The following MAF variants were observed in gnomAD, a reference collection of about 807,000 sequenced individuals.
MAF encodes the protein MAF bZIP transcription factor, also known as transcription factor Maf.
A neutral mutation model predicts 22.0 loss-of-function variants in MAF; 10 were observed. The observed-to-expected ratio is 0.45, with a 90% CI of 0.28 to 0.77. MAF has a LOEUF of 0.77. MAF is among the 30% of genes least tolerant of loss of function. The probability of loss-of-function intolerance (pLI) is 0.12; values close to 1 mark genes in which losing one functional copy is unlikely to be tolerated. For synonymous variants in MAF, 337 were observed against 255.8 expected (o/e 1.32, Z -3.03); for missense variants, 544 against 548.4 (o/e 0.99, Z 0.08).
chr16:79,360,896 C>T, the MAF span, among the ~76,000 whole-genome samples: 1 of 152,162 alleles, frequency 6.6e-6, no homozygotes, highest in Non-Finnish European at 1.5e-5. Context: ...CTGTGAACAT[C>T]TCTTTCTAAC....
At chr16:79,401,703 G>A in the MAF span, among the ~76,000 whole-genome samples, 2 of 152,068 alleles carry the variant, frequency 1.3e-5, no homozygotes, top group Non-Finnish European at 2.9e-5. Context: ...GAAATTTTCG[G>A]GCCGTGTGGT....
the MAF span, among the ~76,000 whole-genome samples, chr16:79,529,043 T>C: frequency 6.6e-6 from 1 of 152,198 alleles, no homozygotes; most frequent in Non-Finnish European, 1.5e-5. Flanking sequence ...CTTTTGTTCT[T>C]ATCTGTAGTC....
downstream of MAF, among the ~76,000 whole-genome samples, chr16:79,590,496 T>C (rs1045653720): frequency 3.9e-5 from 6 of 152,156 alleles, no homozygotes; most frequent in Admixed American, 1.3e-4. Flanking sequence ...CTTTTGAGGC[T>C]CTTTCATGGC....
the MAF span, among the ~76,000 whole-genome samples, chr16:79,410,211 C>CT: frequency 2.0e-5 from 3 of 152,278 alleles, no homozygotes; most frequent in South Asian, 4.1e-4. Flanking sequence ...CGTCACTTCC[C>CT]TTTTTTTGTC....
At chr16:79,247,859 A>G in the MAF span, among the ~76,000 whole-genome samples, 1 of 152,244 alleles carries the variant, frequency 6.6e-6, no homozygotes, top group Non-Finnish European at 1.5e-5. Flanking sequence ...TTGCTAAAAT[A>G]ATTATATTAG....
At chr16:79,223,132 C>G in the MAF span, among the ~76,000 whole-genome samples, 5 of 151,614 alleles carry the variant, frequency 3.3e-5, no homozygotes, top group Admixed American at 1.3e-4. Context: ...AAACACTACT[C>G]AGCAAATGCA....
the MAF span, among the ~76,000 whole-genome samples, chr16:79,254,877 G>C: frequency 1.3e-5 from 2 of 152,104 alleles, no homozygotes; most frequent in Non-Finnish European, 2.9e-5. Flanking sequence ...TTCTGAGTTC[G>C]TCAACTTGTC....
At chr16:79,374,520 T>C in the MAF span, among the ~76,000 whole-genome samples, 1 of 152,226 alleles carries the variant, frequency 6.6e-6, no homozygotes, top group Non-Finnish European at 1.5e-5. Flanking sequence ...CCCTTTTTTG[T>C]ATCCTTTTCC....
At chr16:79,452,248 T>A in the MAF span, among the ~76,000 whole-genome samples, 1 of 152,226 alleles carries the variant, frequency 6.6e-6, no homozygotes, top group South Asian at 2.1e-4. Flanking sequence ...ACTGGGTGTA[T>A]ATAAAACAAG....
At chr16:79,323,612 G>A in the MAF span, among the ~76,000 whole-genome samples, 13 of 152,272 alleles carry the variant, frequency 8.5e-5, no homozygotes, top group African/African-American at 2.4e-4. Context: ...GAAAGGGTGC[G>A]TCTGGTGATG....
chr16:79,218,230 T>C, the MAF span, among the ~76,000 whole-genome samples: 3 of 138,638 alleles, frequency 2.2e-5, no homozygotes, highest in African/African-American at 5.2e-5. Context: ...CCCCCCCTTT[T>C]TTTCCCTTCC....
At chr16:79,572,500 G>C in the MAF span, among the ~76,000 whole-genome samples, 1 of 152,182 alleles carries the variant, frequency 6.6e-6, no homozygotes, top group Non-Finnish European at 1.5e-5. Flanking sequence ...CTTTTATCTG[G>C]TGGAGAGCTC....
chr16:79,354,680 C>G, the MAF span, among the ~76,000 whole-genome samples: 2 of 152,150 alleles, frequency 1.3e-5, no homozygotes, highest in Non-Finnish European at 1.5e-5. Context: ...GCCCATTTGT[C>G]CAAGGAAAAA....
chr16:79,449,920 C>G, the MAF span, among the ~76,000 whole-genome samples: 1 of 152,342 alleles, frequency 6.6e-6, no homozygotes, highest in Admixed American at 6.5e-5. Flanking sequence ...GGGCTTCCAA[C>G]TTTTTATGAC....
At chr16:79,302,101 C>T in the MAF span, among the ~76,000 whole-genome samples, 1 of 152,350 alleles carries the variant, frequency 6.6e-6, no homozygotes, top group East Asian at 1.9e-4. Flanking sequence ...CTAGGACACG[C>T]CTTCCTACAC....
chr16:79,519,201 C>T, the MAF span, among the ~76,000 whole-genome samples: 3 of 152,148 alleles, frequency 2.0e-5, no homozygotes, highest in Non-Finnish European at 4.4e-5. Flanking sequence ...CTTGTCCAAG[C>T]CCCCAAACCT....
At chr16:79,430,292 C>T in the MAF span, among the ~76,000 whole-genome samples, 3 of 152,230 alleles carry the variant, frequency 2.0e-5, no homozygotes, top group African/African-American at 7.2e-5. Flanking sequence ...GTTTGGAAAG[C>T]CAGCTTGAAG....
At chr16:79,446,747 T>TA in the MAF span, among the ~76,000 whole-genome samples, 24 of 148,326 alleles carry the variant, frequency 1.6e-4, no homozygotes, top group East Asian at 3.6e-3. Context: ...CACCCATCTC[T>TA]AAAAAAAAAA....
chr16:79,543,684 TTTTTTC>T, the MAF span, among the ~76,000 whole-genome samples: 51 of 150,304 alleles, frequency 3.4e-4, no homozygotes, highest in African/African-American at 1.1e-3. Flanking sequence ...TTCTTTTTTT[TTTTTTC>T]TTTTTTTTTT....
Sources: allele counts gnomAD v4.1 joint callset (sites outside exome capture counted in the v4.1 genomes callset), GRCh38; gene constraint gnomAD v4.1.1; transcripts MANE v1.5; gene names NCBI Gene and HGNC (gene_info 2026-07-23, HGNC 2026-07-21).